Variants in PRUNE2 observed in about 807,000 individuals in gnomAD.
PRUNE2 encodes protein prune homolog 2.
A neutral mutation model predicts 252.0 loss-of-function variants in PRUNE2; 164 were observed. That is an observed-to-expected ratio of 0.65 (90% CI 0.57 to 0.74). The LOEUF (loss-of-function observed/expected upper bound fraction) is 0.74. PRUNE2 is among the 30% of genes least tolerant of loss of function. The pLI is 0.00. For missense variants in PRUNE2, 3,495 were observed against 3,711.0 expected (o/e 0.94, Z 1.51); for synonymous variants, 1,292 against 1,350.2 (o/e 0.96, Z 0.94).
intron 18 of PRUNE2, among the ~76,000 whole-genome samples, chr9:76,616,682 A>T (rs905781052): frequency 6.6e-6 from 1 of 152,228 alleles, no homozygotes; most frequent in South Asian, 2.1e-4. Context: ...AGTTTATGAA[A>T]TAAATGAGAT....
rs1324019996 is a variant in PRUNE2 at position 76,706,217 on chromosome 9, A to G, written c.6057T>C (p.Pro2019=). 3 of 1,614,004 alleles carry G rather than the reference A, an allele frequency of 1.9e-6. No homozygotes were observed. ...TCAGTTGGGTGGGAGAACTGACAGC[A>G]GGAAAATTTTCTGTGGCAATGCTTG... ...TNSSIATENF[P]AVSSPTQLIM... is the part of the protein sequence containing the mutation. The change falls in exon 8 of 19, where the codon CCT becomes CCC. Residue 2019 remains proline (P), a synonymous_variant. Transcript: ENST00000376718.
intron 1 of PRUNE2, among the ~76,000 whole-genome samples, chr9:76,897,795 G>A (rs2062932548): frequency 6.6e-6 from 1 of 152,144 alleles, no homozygotes; most frequent in Non-Finnish European, 1.5e-5. Context: ...CAAGACCATT[G>A]TGGGAGTTAA....
intron 5 of PRUNE2, among the ~76,000 whole-genome samples, chr9:76,824,892 T>A (rs146879431): frequency 3.5e-4 from 53 of 152,332 alleles, no homozygotes; most frequent in African/African-American, 1.2e-3. Flanking sequence ...GAAGACATTG[T>A]GACATTAAAA....
At chr9:76,788,188 G>A (rs146779803) in intron 6 of PRUNE2, among the ~76,000 whole-genome samples, 31 of 152,214 alleles carry the variant, frequency 2.0e-4, no homozygotes, top group African/African-American at 5.8e-4. Context: ...CTAAAGACAT[G>A]GCATTTCCTA....
intron 1 of PRUNE2, among the ~76,000 whole-genome samples, chr9:76,868,496 C>T (rs890369268): frequency 2.6e-5 from 4 of 152,250 alleles, no homozygotes; most frequent in East Asian, 1.9e-4. Context: ...GGGAGGACCA[C>T]GGAAGTTAGT....
At chr9:76,752,162 A>T (rs934064075) in intron 6 of PRUNE2, among the ~76,000 whole-genome samples, 1 of 151,506 alleles carries the variant, frequency 6.6e-6, no homozygotes, top group East Asian at 1.9e-4. Context: ...CAATGGTGCA[A>T]TCTCGGCTCA....
intron 9 of PRUNE2, among the ~76,000 whole-genome samples, chr9:76,670,586 A>C (rs1417677196): frequency 6.6e-6 from 1 of 152,154 alleles, no homozygotes; most frequent in South Asian, 2.1e-4. Context: ...TGTAGGCTCC[A>C]CCTCTGGGGG....
chr9:76,644,485 C>CG (rs72540977), intron 12 of PRUNE2: 1 of 421,838 alleles, frequency 2.4e-6, no homozygotes, highest in Non-Finnish European at 4.1e-6. Flanking sequence ...TAAATTTGCA[C>CG]AAGATGATCG....
chr9:76,661,044 A>C lies in PRUNE2; in HGVS notation c.8277-5542T>G, dbSNP rs73456072. On this transcript the variant is annotated intron_variant, in intron 9 of 18. Transcript: ENST00000376718. Reference sequence around the variant, plus strand: ...AGCATGAAAGAGGCCATAATGATTAAAGAATAATATCTAAACCTTTGTTGT... The same window carrying C: ...AGCATGAAAGAGGCCATAATGATTACAGAATAATATCTAAACCTTTGTTGT... 9.5e-3 allele frequency among the ~76,000 whole-genome samples: 1,447 copies of C among 152,312 alleles called. 30 individuals are homozygous for C. Among genetic ancestry groups the C allele is most frequent in the African/African-American group, 0.032 (1,326 of 41,568 alleles).
In PRUNE2 at chr9:76,710,530, C is replaced by G; in HGVS notation, c.1744G>C (p.Glu582Gln). The change falls in exon 8 of 19, where the codon GAA (glutamate) becomes CAA (glutamine). Residue 582 changes from glutamate (E) to glutamine (Q), a missense_variant. Glu to Gln is a conservative substitution (Grantham distance 29, BLOSUM62 2). Transcript: ENST00000376718. ...QRQDSPRDNS[E>Q]RNLSLTDFVG... ...AAATCTGTCAGGCTCAAATTTCTTT[C>G]AGAGTTATCTCTGGGACTGTCTTGT... is the stretch of plus-strand genomic sequence containing the variant. 6.2e-7 allele frequency: 1 copy of G among 1,613,996 alleles called. No homozygotes were observed. The highest frequency in any genetic ancestry group is 8.5e-7 in the Non-Finnish European group (1 of 1,179,884).
intron 9 of PRUNE2, among the ~76,000 whole-genome samples, chr9:76,689,096 A>G (rs1588604629): frequency 6.6e-6 from 1 of 152,262 alleles, no homozygotes; most frequent in Admixed American, 6.5e-5. Flanking sequence ...TGTCCTTCAC[A>G]GCCATTTATT....
intron 6 of PRUNE2, among the ~76,000 whole-genome samples, chr9:76,770,986 CT>C (rs1232743606): frequency 6.6e-6 from 1 of 152,086 alleles, no homozygotes; most frequent in Non-Finnish European, 1.5e-5. Context: ...CACTGTAACA[CT>C]TACTAAATTT....
At chr9:76,840,858 G>A (rs2059348329) in intron 4 of PRUNE2, among the ~76,000 whole-genome samples, 1 of 152,068 alleles carries the variant, frequency 6.6e-6, no homozygotes, top group Admixed American at 6.5e-5. Context: ...GCAGGCACCT[G>A]TAATCCCAGC....
chr9:76,857,400 C>A (rs2060317036), intron 1 of PRUNE2, among the ~76,000 whole-genome samples: 1 of 151,616 alleles, frequency 6.6e-6, no homozygotes, highest in Admixed American at 6.6e-5. Context: ...AAAAAGATGA[C>A]TGGAAAAAAA....
chr9:76,785,136 T>A (rs2054841218), intron 6 of PRUNE2: 1 of 152,168 alleles, frequency 6.6e-6, no homozygotes, highest in South Asian at 2.1e-4. Flanking sequence ...CATCAACCCC[T>A]CCCATGCACC....
At chr9:76,879,981 T>C (rs2061686813) in intron 1 of PRUNE2, among the ~76,000 whole-genome samples, 1 of 136,150 alleles carries the variant, frequency 7.3e-6, no homozygotes, top group Admixed American at 8.0e-5. Flanking sequence ...TGGTGCAATC[T>C]CGACTCACTG....
chr9:76,698,051 ATTT>A (rs33999796), intron 9 of PRUNE2, among the ~76,000 whole-genome samples: 3 of 146,792 alleles, frequency 2.0e-5, no homozygotes, highest in Admixed American at 1.4e-4. Context: ...AATGTAAAGG[ATTT>A]TTTTTTTTTT....
At chr9:76,853,191 T>C (rs1257104027) in intron 2 of PRUNE2, among the ~76,000 whole-genome samples, 3 of 152,198 alleles carry the variant, frequency 2.0e-5, no homozygotes, top group Non-Finnish European at 4.4e-5. Flanking sequence ...TTACCCAGCA[T>C]TTTTATCAGC....
chr9:76,811,985 T>C (rs183382433), intron 6 of PRUNE2, among the ~76,000 whole-genome samples: 1 of 152,326 alleles, frequency 6.6e-6, no homozygotes, highest in African/African-American at 2.4e-5. Context: ...AGGAAAAAGC[T>C]GTGCAAAGTG....
Sources: gnomAD v4.1 joint callset for allele counts (sites outside exome capture counted in the v4.1 genomes callset) on GRCh38, gnomAD v4.1.1 for gene constraint, MANE v1.5 for transcripts, NCBI Gene and HGNC (gene_info 2026-07-23, HGNC 2026-07-21) for gene names.